Variants in ST7 observed in about 807,000 individuals in gnomAD.
ST7 encodes the protein suppressor of tumorigenicity 7 protein.
A neutral mutation model predicts 78.7 loss-of-function variants in ST7; 28 were observed. The ratio of observed to expected loss-of-function variants is 0.36; its 90% CI spans 0.26 to 0.49. ST7 has a LOEUF of 0.49. ST7 is among the 20% of genes least tolerant of loss of function. The probability of loss-of-function intolerance (pLI) is 0.99; values close to 1 mark genes in which losing one functional copy is unlikely to be tolerated. For synonymous variants in ST7, 247 were observed against 249.6 expected, an observed-to-expected ratio of 0.99 and a Z score of 0.10; for missense variants, 418 against 696.0, an observed-to-expected ratio of 0.60 and a Z score of 4.49.
intron 1 of ST7, among the ~76,000 whole-genome samples, chr7:116,994,823 G>A (rs927302922): frequency 1.3e-5 from 2 of 152,224 alleles, no homozygotes; most frequent in Non-Finnish European, 2.9e-5. Flanking sequence ...TTGATGCTGG[G>A]AATATGTGTA....
chr7:116,969,967 CG>C (rs1793328370), intron 1 of ST7, among the ~76,000 whole-genome samples: 1 of 152,032 alleles, frequency 6.6e-6, no homozygotes, highest in Non-Finnish European at 1.5e-5. Flanking sequence ...CTCAGCTACT[CG>C]GGAGACTGAG....
At chr7:117,173,387 A>G (rs1415075334) in intron 10 of ST7, 1 of 152,220 alleles carries the variant, frequency 6.6e-6, no homozygotes, top group Non-Finnish European at 1.5e-5. Context: ...AAATATAATG[A>G]AGTGGCTGCT....
Position 117,136,173 on chromosome 7 carries a change from A to G in ST7, c.803A>G (p.Asp268Gly). The change falls in exon 8 of 16, where the codon GAT (aspartate) becomes GGT (glycine). Residue 268 changes from aspartate (D) to glycine (G), a missense_variant. Around this residue, in one of 4 missense-constraint regions of ST7, gnomAD observed 288 missense variants for 537.1 expected, o/e 0.54. Coordinates refer to ENST00000323984, the MANE Select transcript of ST7 (RefSeq NM_001369598.1). ...TTTAAGCAGGCCCTGAAGGCTGGAGATGGCTGTTACCGACGCTCTCAGCAG... is the reference window on the plus strand; with the variant it reads ...TTTAAGCAGGCCCTGAAGGCTGGAGGTGGCTGTTACCGACGCTCTCAGCAG... ...KLFKQALKAG[D>G]GCYRRSQQLQ... is the part of the protein sequence containing the mutation. 1.9e-6 allele frequency: 3 copies of G among 1,613,610 alleles called. No homozygotes were observed. The highest frequency in any genetic ancestry group is 2.5e-6 in the Non-Finnish European group (3 of 1,179,686).
chr7:116,980,701 A>T (rs1289905148), intron 1 of ST7, among the ~76,000 whole-genome samples: 2 of 152,250 alleles, frequency 1.3e-5, no homozygotes, highest in Admixed American at 1.3e-4. Context: ...AGTTGAAAGT[A>T]CAGTACAGTT....
chr7:117,105,271 G>A (rs1020736308), intron 2 of ST7, among the ~76,000 whole-genome samples: 2 of 152,128 alleles, frequency 1.3e-5, no homozygotes, highest in African/African-American at 4.8e-5. Context: ...TTAAAAAGTG[G>A]ATCTCAAAGA....
rs542842224 is a variant in ST7, at chr7:117,177,098, T to C, written c.1078+6122T>C. 1.3e-4 allele frequency among the ~76,000 whole-genome samples: 20 copies of C among 152,262 alleles called. 1 individual carries two copies. The highest frequency in any genetic ancestry group is 4.6e-4 in the African/African-American group (19 of 41,546). The stretch of plus-strand genomic sequence containing the variant: ...GTGGCTTCATGCCTGTAAGCACAAG[T>C]CACTGAGAAATGGTGGTCCTGCATA... On this transcript the variant is annotated intron_variant, in intron 10 of 15. Coordinates refer to ENST00000323984, the MANE Select transcript of ST7 (RefSeq NM_001369598.1).
At chr7:117,217,879 T>C (rs1290149244) in intron 13 of ST7, among the ~76,000 whole-genome samples, 1 of 151,772 alleles carries the variant, frequency 6.6e-6, no homozygotes, top group Non-Finnish European at 1.5e-5. Flanking sequence ...GTAGATTGAC[T>C]GCATTCCAAA....
chr7:117,148,940 A>G (rs1176559048), intron 9 of ST7, among the ~76,000 whole-genome samples: 1 of 152,140 alleles, frequency 6.6e-6, no homozygotes, highest in East Asian at 1.9e-4. Context: ...AAACAGACTT[A>G]TTTCAGACCT....
chr7:117,060,613 T>A (rs1798299330), intron 1 of ST7, among the ~76,000 whole-genome samples: 1 of 152,250 alleles, frequency 6.6e-6, no homozygotes, highest in Admixed American at 6.5e-5. Context: ...ATTAAAATGA[T>A]AGTTTGCAGG....
At chr7:117,053,667 C>T (rs937414027) in intron 1 of ST7, among the ~76,000 whole-genome samples, 3 of 152,210 alleles carry the variant, frequency 2.0e-5, no homozygotes, top group Admixed American at 2.0e-4. Flanking sequence ...GCAATTTCCA[C>T]ATTCCAGAAA....
chr7:116,972,969 A>G, intron 1 of ST7: 1 of 885,178 alleles, frequency 1.1e-6, no homozygotes, highest in Non-Finnish European at 1.8e-6. Flanking sequence ...TTGGTGTTGC[A>G]GCCTCCTCTC....
intron 9 of ST7, among the ~76,000 whole-genome samples, chr7:117,154,623 G>A (rs567148622): frequency 6.6e-6 from 1 of 152,258 alleles, no homozygotes; most frequent in East Asian, 1.9e-4. Flanking sequence ...AGGGAGTGGT[G>A]GAATTTGCAG....
chr7:117,083,838 T>C (rs540707549), intron 1 of ST7, among the ~76,000 whole-genome samples: 1 of 150,922 alleles, frequency 6.6e-6, no homozygotes, highest in South Asian at 2.1e-4. Flanking sequence ...CTTGTGAGCA[T>C]ATGGAGGCAG....
chr7:117,212,533 A>G (rs1584617919), intron 13 of ST7, among the ~76,000 whole-genome samples: 1 of 152,354 alleles, frequency 6.6e-6, no homozygotes, highest in East Asian at 1.9e-4. Context: ...ATCATCCTAT[A>G]TAAAATTATA....
chr7:117,119,696 G>T lies in ST7; in HGVS notation c.370G>T (p.Asp124Tyr). 6.2e-7 allele frequency: 1 copy of T among 1,613,026 alleles called. No individual in the cohort carries two copies. The highest frequency in any genetic ancestry group is 8.5e-7 in the Non-Finnish European group (1 of 1,179,796). Residue 124 changes from aspartate to tyrosine, a missense_variant, in exon 3 of 16, where the codon GAT (aspartate) becomes TAT (tyrosine). Coordinates refer to ENST00000323984, the MANE Select transcript of ST7 (RefSeq NM_001369598.1). ...NNSNSSNGDS[D>Y]SNRQSVSECK... ...TTCTAATTCCAGTAACGGGGACTCAGATTCCAATAGGCAAAGTGTCTCAGG... is the reference window on the plus strand; with the variant it reads ...TTCTAATTCCAGTAACGGGGACTCATATTCCAATAGGCAAAGTGTCTCAGG...
chr7:117,029,872 A>T (rs2116142925), intron 1 of ST7, among the ~76,000 whole-genome samples: 1 of 152,002 alleles, frequency 6.6e-6, no homozygotes, highest in African/African-American at 2.4e-5. Flanking sequence ...CTATATTTCT[A>T]GTCTATTTTA....
intron 1 of ST7, among the ~76,000 whole-genome samples, chr7:116,963,418 T>TAA (rs1792935083): frequency 6.6e-6 from 1 of 152,222 alleles, no homozygotes; most frequent in African/African-American, 2.4e-5. Flanking sequence ...CCTACTGTGC[T>TAA]AAAATAAGGA....
chr7:117,012,696 T>G (rs1327100382), intron 1 of ST7, among the ~76,000 whole-genome samples: 4 of 152,140 alleles, frequency 2.6e-5, no homozygotes, highest in African/African-American at 4.8e-5. Context: ...ACTTGCTTAA[T>G]TAAGATAATC....
At chr7:117,031,272 A>G (rs554735022) in intron 1 of ST7, among the ~76,000 whole-genome samples, 71 of 151,830 alleles carry the variant, frequency 4.7e-4, no homozygotes, top group Non-Finnish European at 7.1e-4. Context: ...CTGAGGTGAC[A>G]AAATAATCTG....
Sources: gnomAD v4.1 joint callset for allele counts (sites outside exome capture counted in the v4.1 genomes callset) on GRCh38, gnomAD v4.1.1 for gene constraint, gnomAD v4.1.1 regional missense constraint, MANE v1.5 for transcripts, NCBI Gene and HGNC (gene_info 2026-07-23, HGNC 2026-07-21) for gene names.